Variants in BRI3BP observed in about 807,000 individuals in gnomAD.
The protein encoded by BRI3BP is BRI3-binding protein.
A neutral mutation model predicts 15.8 loss-of-function variants in BRI3BP; 7 were observed. The ratio of observed to expected loss-of-function variants is 0.44; its 90% CI spans 0.25 to 0.83. BRI3BP has a LOEUF of 0.83. BRI3BP is among the 40% of genes least tolerant of loss of function. BRI3BP has a pLI of 0.20. For missense variants in BRI3BP, 320 were observed against 339.3 expected (o/e 0.94, Z 0.45); for synonymous variants, 192 against 163.5 (o/e 1.17, Z -1.33).
intron 1 of BRI3BP, among the ~76,000 whole-genome samples, chr12:125,000,013 T>G: frequency 8.3e-6 from 1 of 120,062 alleles, no homozygotes; most frequent in African/African-American, 3.2e-5. Flanking sequence ...CCTTTTGGTT[T>G]TTCTTTTTTT....
Position 125,025,491 on chromosome 12 carries a change from A to G in BRI3BP, c.*61A>G. ...ACGCTGTCTCAGAAAACGAAAACGGAGGAAAAAAACCCCAAACCCCAAACA... is the reference window on the plus strand; with the variant it reads ...ACGCTGTCTCAGAAAACGAAAACGGGGGAAAAAAACCCCAAACCCCAAACA... On this transcript the variant is annotated 3_prime_UTR_variant, in exon 3 of 3. Transcript: ENST00000341446. The G allele has an allele frequency of 7.0e-7, 1 of 1,423,562 alleles. No individual in the cohort carries two copies. Among genetic ancestry groups the G allele is most frequent in the Non-Finnish European group, 9.3e-7 (1 of 1,071,926 alleles). 88.2% of individuals were successfully genotyped at this position (1,423,562 alleles called of 1,614,324 possible).
intron 2 of BRI3BP, among the ~76,000 whole-genome samples, chr12:125,014,933 A>G (rs1007005779): frequency 2.0e-5 from 3 of 152,084 alleles, no homozygotes; most frequent in Non-Finnish European, 2.9e-5. Context: ...CACCTGGCTA[A>G]TTTTTGAATT....
chr12:125,043,386 C>A, the BRI3BP span, among the ~76,000 whole-genome samples: 2 of 152,144 alleles, frequency 1.3e-5, no homozygotes, highest in African/African-American at 4.8e-5. Context: ...CACAGAACCG[C>A]TGCACAGTTC....
rs1436083714 is a variant in BRI3BP, at chr12:125,028,914, T to C, written c.*3484T>C. 2 of 152,194 alleles carry C rather than the reference T, an allele frequency of 1.3e-5. No homozygotes were observed. Among genetic ancestry groups the C allele is most frequent in the Non-Finnish European group, 1.5e-5 (1 of 68,048 alleles). 9.4% of individuals were successfully genotyped at this position (152,194 alleles called of 1,614,324 possible). A position where few individuals can be genotyped will look rare whatever the true frequency, so the allele number is the denominator to read the frequency against. ...TACCTGGAGAGAAACCTTTTTTCTA[T>C]CTTCAGGGCTGTAGAATATATTAGC... On this transcript the variant is annotated 3_prime_UTR_variant, in exon 3 of 3. Coordinates refer to ENST00000341446, the MANE Select transcript of BRI3BP (RefSeq NM_080626.6).
At chr12:125,035,397 T>C (rs1955435442), downstream of BRI3BP, among the ~76,000 whole-genome samples, 1 of 146,802 alleles carries the variant, frequency 6.8e-6, no homozygotes, top group South Asian at 2.1e-4. Context: ...GTATTGTCTT[T>C]TTTTTTTTTT....
chr12:125,031,406 T>G (rs2136004133), downstream of BRI3BP, among the ~76,000 whole-genome samples: 2 of 152,142 alleles, frequency 1.3e-5, no homozygotes, highest in South Asian at 4.2e-4. Context: ...CAGTAGTGTT[T>G]TAGTATAGTG....
chr12:125,039,262 A>G, the BRI3BP span, among the ~76,000 whole-genome samples: 4 of 152,202 alleles, frequency 2.6e-5, no homozygotes, highest in East Asian at 7.7e-4. Flanking sequence ...TGCAAGGCCC[A>G]CGGGTTCCCT....
intron 2 of BRI3BP, among the ~76,000 whole-genome samples, chr12:125,019,411 C>T (rs1399912317): frequency 3.3e-5 from 5 of 151,890 alleles, no homozygotes; most frequent in African/African-American, 9.7e-5. Context: ...CCCTTGATGA[C>T]ACGATGCTTC....
At chr12:125,041,877 A>G in the BRI3BP span, among the ~76,000 whole-genome samples, 1 of 152,158 alleles carries the variant, frequency 6.6e-6, no homozygotes, top group Non-Finnish European at 1.5e-5. Flanking sequence ...ACTTTTTTGT[A>G]GAGATGGGGT....
chr12:124,998,124 CAAAAA>C (rs35401601), intron 1 of BRI3BP, among the ~76,000 whole-genome samples: 8 of 126,900 alleles, frequency 6.3e-5, no homozygotes, highest in African/African-American at 2.1e-4. Flanking sequence ...AACTCCGTCT[CAAAAA>C]AAAAAAAAAA....
the BRI3BP span, among the ~76,000 whole-genome samples, chr12:125,043,321 C>T: frequency 1.6e-4 from 25 of 152,118 alleles, no homozygotes; most frequent in African/African-American, 5.1e-4. Context: ...TGCTGCTCAA[C>T]GTCTACCCCA....
At chr12:125,037,862 A>G in the BRI3BP span, among the ~76,000 whole-genome samples, 1 of 152,042 alleles carries the variant, frequency 6.6e-6, no homozygotes, top group African/African-American at 2.4e-5. Context: ...GCATGTATAC[A>G]CGTGTGTTGA....
At chr12:125,048,298 TGTTCCTAAG>T in the BRI3BP span, among the ~76,000 whole-genome samples, 1 of 152,174 alleles carries the variant, frequency 6.6e-6, no homozygotes. Context: ...TCACCATGTG[TGTTCCTAAG>T]GTTCCTCAGC....
chr12:125,021,386 A>G (rs1300695589), intron 2 of BRI3BP, among the ~76,000 whole-genome samples: 1 of 151,958 alleles, frequency 6.6e-6, no homozygotes, highest in African/African-American at 2.4e-5. Flanking sequence ...GCGCTTGCCC[A>G]CTCCAGATCG....
At chr12:125,006,764 G>A (rs571454208) in intron 1 of BRI3BP, among the ~76,000 whole-genome samples, 1 of 152,204 alleles carries the variant, frequency 6.6e-6, no homozygotes, top group Admixed American at 6.5e-5. Context: ...AGGTTCAACA[G>A]TGTGAGCAGG....
intron 1 of BRI3BP, among the ~76,000 whole-genome samples, chr12:125,010,530 G>A (rs1955188018): frequency 6.6e-6 from 1 of 152,212 alleles, no homozygotes; most frequent in South Asian, 2.1e-4. Context: ...TGTAATCCCA[G>A]CACTTTGGGA....
At chr12:125,007,086 C>T (rs1398443229) in intron 1 of BRI3BP, among the ~76,000 whole-genome samples, 2 of 151,896 alleles carry the variant, frequency 1.3e-5, no homozygotes, top group Admixed American at 1.3e-4. Flanking sequence ...GTAATCCCAG[C>T]TACTTAGGAG....
the BRI3BP span, among the ~76,000 whole-genome samples, chr12:125,043,273 A>G: frequency 6.4e-4 from 97 of 152,236 alleles, no homozygotes; most frequent in Middle Eastern, 3.4e-3. Flanking sequence ...TCCTGAGGCT[A>G]AGCGTGCAGG....
At chr12:125,011,118 C>T (rs1278764176) in intron 1 of BRI3BP, among the ~76,000 whole-genome samples, 1 of 133,952 alleles carries the variant, frequency 7.5e-6, no homozygotes, top group Non-Finnish European at 1.6e-5. Context: ...AAAAAAAAAG[C>T]TGTAGCCAAT....
Sources: allele counts gnomAD v4.1 joint callset (sites outside exome capture counted in the v4.1 genomes callset), GRCh38; gene constraint gnomAD v4.1.1; transcripts MANE v1.5; gene names NCBI Gene and HGNC (gene_info 2026-07-23, HGNC 2026-07-21).